Variants in CTBP2 observed in about 807,000 individuals in gnomAD.
CTBP2 encodes C-terminal-binding protein 2.
Under a neutral mutation model 80.3 loss-of-function variants are expected in CTBP2, and 30 were observed. The observed-to-expected ratio is 0.37, with a 90% CI of 0.28 to 0.51. The LOEUF is 0.51. Ranked by LOEUF, CTBP2 falls within the 20% of genes least tolerant of loss-of-function variation. The pLI is 0.93. For synonymous variants in CTBP2, 594 were observed against 587.4 expected, an observed-to-expected ratio of 1.01 and a Z score of -0.16; for missense variants, 1,212 against 1,375.3, an observed-to-expected ratio of 0.88 and a Z score of 1.88.
At chr10:125,161,794 G>A (rs1861914379), upstream of CTBP2, among the ~76,000 whole-genome samples, 1 of 152,130 alleles carries the variant, frequency 6.6e-6, no homozygotes, top group African/African-American at 2.4e-5. Flanking sequence ...TCGGAGCCCC[G>A]GGTCTCGAGG....
intron 2 of CTBP2, among the ~76,000 whole-genome samples, chr10:125,087,231 C>A (rs1848126558): frequency 6.6e-6 from 1 of 151,866 alleles, no homozygotes; most frequent in Admixed American, 6.6e-5. Flanking sequence ...GCCACCATGC[C>A]CGGTTAATTT....
chr10:125,155,092 C>T (rs1693655), intron 1 of CTBP2, among the ~76,000 whole-genome samples: 121,178 of 152,178 alleles, frequency 0.8, 48,968 homozygotes, highest in African/African-American at 0.94. Context: ...TACTATCTGC[C>T]GTTAAAATCG....
chr10:125,055,372 C>A (rs1225691225), intron 2 of CTBP2, among the ~76,000 whole-genome samples: 4 of 152,170 alleles, frequency 2.6e-5, no homozygotes, highest in African/African-American at 9.7e-5. Context: ...CACGCAGGTG[C>A]CATGCCCTCA....
chr10:125,000,022 C>G (rs1044099433), intron 3 of CTBP2: 5 of 152,296 alleles, frequency 3.3e-5, no homozygotes, highest in African/African-American at 1.2e-4. Context: ...CACAAGGCCA[C>G]GTGTGTAAAG....
chr10:125,063,869 C>T (rs1844216139), intron 2 of CTBP2, among the ~76,000 whole-genome samples: 1 of 152,150 alleles, frequency 6.6e-6, no homozygotes, highest in Non-Finnish European at 1.5e-5. Flanking sequence ...GGGTGGACAC[C>T]CCGTGTAGGG....
At position 125,005,744 on chromosome 10, in the gene CTBP2, C is replaced by T. The variant is rs199944812; in HGVS notation, c.1679-2252G>A. 1,904 of 1,612,820 alleles carry T rather than the reference C, an allele frequency of 1.2e-3. 2 individuals carry two copies. The highest frequency in any genetic ancestry group is 1.5e-3 in the Non-Finnish European group (1,824 of 1,179,918). ...ACAAGATTCCTTCTGTTTCAGTACA[C>T]TCTTCTGGCCCCTACTTGAGGTCTG... On this transcript the variant is annotated intron_variant, in intron 1 of 8. Coordinates refer to ENST00000309035, the MANE Select transcript of CTBP2 (RefSeq NM_022802.3).
chr10:125,060,830 G>A (rs1964831203), intron 2 of CTBP2, among the ~76,000 whole-genome samples: 1 of 152,232 alleles, frequency 6.6e-6, no homozygotes, highest in Non-Finnish European at 1.5e-5. Context: ...ACACGAAGCC[G>A]AGGCCAGGAC....
intron 1 of CTBP2, among the ~76,000 whole-genome samples, chr10:125,114,476 G>T (rs551221913): frequency 6.6e-6 from 1 of 151,990 alleles, no homozygotes; most frequent in East Asian, 1.9e-4. Context: ...TCCACATATA[G>T]GAAACTCACA....
At chr10:125,110,459 C>A (rs1382860498) in intron 2 of CTBP2, among the ~76,000 whole-genome samples, 1 of 152,138 alleles carries the variant, frequency 6.6e-6, no homozygotes, top group Non-Finnish European at 1.5e-5. Flanking sequence ...CACCCACATT[C>A]CCAATCTACT....
At chr10:125,083,179 C>T (rs1181178977) in intron 2 of CTBP2, among the ~76,000 whole-genome samples, 3 of 152,326 alleles carry the variant, frequency 2.0e-5, no homozygotes, top group South Asian at 2.1e-4. Context: ...TCTGCCTTCA[C>T]GTCGCAAGTT....
At chr10:125,028,720 AC>A (rs1265450729), upstream of CTBP2, among the ~76,000 whole-genome samples, 1 of 152,248 alleles carries the variant, frequency 6.6e-6, no homozygotes, top group Non-Finnish European at 1.5e-5. Flanking sequence ...AGGATGGGTG[AC>A]TAAACCTTAC....
chr10:125,152,625 C>T (rs1453039554), intron 1 of CTBP2, among the ~76,000 whole-genome samples: 1 of 152,146 alleles, frequency 6.6e-6, no homozygotes, highest in Admixed American at 6.5e-5. Flanking sequence ...AAAAACATTC[C>T]CAGATTTTAC....
Position 125,028,007 on chromosome 10 carries a change from C to T in CTBP2, c.-248G>A, listed in dbSNP as rs983277341. 9.0e-7 allele frequency: 1 copy of T among 1,111,590 alleles called. No homozygotes were observed. Among genetic ancestry groups the T allele is most frequent in the Non-Finnish European group, 1.2e-6 (1 of 852,308 alleles). 68.9% of individuals were successfully genotyped at this position (1,111,590 alleles called of 1,614,324 possible). A position where few individuals can be genotyped will look rare whatever the true frequency, so the allele number is the denominator to read the frequency against. ...GATAGCCAGAGAGGTCTGTTCCTTA[C>T]AGCTCAGTCCCGGAGAGGAGGCTGT... On this transcript the variant is annotated 5_prime_UTR_variant, in exon 1 of 9. Transcript: ENST00000309035.
chr10:125,113,919 G>T (rs1347695090), intron 1 of CTBP2, among the ~76,000 whole-genome samples: 1 of 152,194 alleles, frequency 6.6e-6, no homozygotes, highest in Non-Finnish European at 1.5e-5. Context: ...AAAAGGCTTG[G>T]AAGACTGTCA....
rs367634794 is a variant in CTBP2 at position 125,027,142 on chromosome 10, G to T, written c.618C>A (p.Pro206=). 1.2e-6 allele frequency: 2 copies of T among 1,604,398 alleles called. No homozygotes were observed. Among genetic ancestry groups the T allele is most frequent in the Admixed American group, 1.7e-5 (1 of 59,654 alleles). Reference sequence around the variant, plus strand: ...TGATGTCGCTGAAGACCTGGCTGAGGGGGTAGGCAGGCACCTCCGCCCCAT... The same window carrying T: ...TGATGTCGCTGAAGACCTGGCTGAGTGGGTAGGCAGGCACCTCCGCCCCAT... The change falls in exon 1 of 9, where the codon CCC becomes CCA. Residue 206 remains proline (P), a synonymous_variant. Transcript: ENST00000309035.
At chr10:125,037,801 C>A (rs1468194695) in intron 3 of CTBP2, among the ~76,000 whole-genome samples, 1 of 152,174 alleles carries the variant, frequency 6.6e-6, no homozygotes, top group Non-Finnish European at 1.5e-5. Context: ...CATAGGTAGT[C>A]CAGAGTAAAG....
intron 1 of CTBP2, among the ~76,000 whole-genome samples, chr10:125,010,625 G>A (rs982433644): frequency 3.3e-5 from 5 of 152,148 alleles, no homozygotes; most frequent in African/African-American, 4.8e-5. Context: ...GCCCTGGAGT[G>A]GCATCACACA....
intron 2 of CTBP2, among the ~76,000 whole-genome samples, chr10:125,108,686 G>A (rs1851829109): frequency 6.8e-6 from 1 of 148,000 alleles, no homozygotes; most frequent in Non-Finnish European, 1.5e-5. Context: ...CAAGTGGTCA[G>A]GGGAGAAGTT....
At chr10:125,018,968 AG>A (rs546228480) in intron 1 of CTBP2, among the ~76,000 whole-genome samples, 80 of 152,306 alleles carry the variant, frequency 5.3e-4, no homozygotes, top group Middle Eastern at 6.8e-3. Context: ...AACATGTCCC[AG>A]GGGGCCGCCC....
Sources: allele counts gnomAD v4.1 joint callset (sites outside exome capture counted in the v4.1 genomes callset), GRCh38; gene constraint gnomAD v4.1.1; transcripts MANE v1.5; gene names NCBI Gene and HGNC (gene_info 2026-07-23, HGNC 2026-07-21).